Variants in KSR2 observed in about 807,000 individuals in gnomAD.
KSR2 encodes kinase suppressor of ras 2.
In KSR2, 25 loss-of-function variants were observed where a neutral mutation model predicts 107.8. That is an observed-to-expected ratio of 0.23 (90% CI 0.17 to 0.32). The LOEUF is 0.32. KSR2 is among the 10% of genes least tolerant of loss of function. The pLI, the probability that KSR2 is intolerant of heterozygous loss-of-function variation, is 1.00. For synonymous variants in KSR2, 480 were observed against 507.0 expected, an observed-to-expected ratio of 0.95 and a Z score of 0.71; for missense variants, 887 against 1,268.9, an observed-to-expected ratio of 0.70 and a Z score of 4.57.
intron 3 of KSR2, among the ~76,000 whole-genome samples, chr12:117,802,176 T>G (rs908738788): frequency 1.5e-4 from 23 of 152,266 alleles, no homozygotes; most frequent in African/African-American, 5.3e-4. Context: ...CTTTTCCAGC[T>G]TCTAGAGACC....
intron 5 of KSR2, among the ~76,000 whole-genome samples, chr12:117,587,700 A>G (rs1380812450): frequency 6.6e-6 from 1 of 152,152 alleles, no homozygotes; most frequent in Non-Finnish European, 1.5e-5. Context: ...CCGAGTTTAG[A>G]GTCTACAGGG....
intron 8 of KSR2, among the ~76,000 whole-genome samples, chr12:117,556,550 G>A (rs775214594): frequency 5.9e-5 from 9 of 152,152 alleles, no homozygotes; most frequent in Non-Finnish European, 1.2e-4. Context: ...ACAGTGCAAC[G>A]ATCATCGAAA....
chr12:117,700,186 T>A (rs1372197995), intron 4 of KSR2, among the ~76,000 whole-genome samples: 1 of 152,186 alleles, frequency 6.6e-6, no homozygotes, highest in Admixed American at 6.5e-5. Flanking sequence ...GTATATGCAG[T>A]CTGTCACTGA....
In KSR2 at chr12:117,772,557, CACAA is replaced by C. The variant is rs529564317; in HGVS notation, c.473-11037_473-11034del. 2.2e-3 allele frequency among the ~76,000 whole-genome samples: 330 copies of C among 146,824 alleles called. 1 individual carries two copies. The highest frequency in any genetic ancestry group is 7.8e-3 in the African/African-American group (306 of 39,376). On this transcript the variant is annotated intron_variant, in intron 3 of 19. Coordinates refer to ENST00000339824, the MANE Select transcript of KSR2 (RefSeq NM_173598.6). ...CATACACACCATTCCACCAAAGACGCACAAACACACACTCATACACACACACCAT... is the reference window on the plus strand; with the variant it reads ...CATACACACCATTCCACCAAAGACGCACACACACTCATACACACACACCAT...
At chr12:117,887,867 G>C (rs1427121660) in intron 1 of KSR2, among the ~76,000 whole-genome samples, 6 of 152,170 alleles carry the variant, frequency 3.9e-5, no homozygotes, top group Non-Finnish European at 7.3e-5. Flanking sequence ...CACTGGCCAG[G>C]AGTGGGCAGC....
At chr12:117,524,063 T>C (rs1026785970) in intron 14 of KSR2, among the ~76,000 whole-genome samples, 2 of 152,224 alleles carry the variant, frequency 1.3e-5, no homozygotes, top group East Asian at 3.8e-4. Context: ...TGACGTTTTA[T>C]TGGGACACAG....
chr12:117,909,365 G>T (rs1894948491), intron 1 of KSR2, among the ~76,000 whole-genome samples: 2 of 152,138 alleles, frequency 1.3e-5, no homozygotes, highest in Non-Finnish European at 2.9e-5. Context: ...AAGCATGGTG[G>T]TAAGGTTGGA....
At chr12:117,635,664 A>G (rs1410351923) in intron 5 of KSR2, among the ~76,000 whole-genome samples, 1 of 152,250 alleles carries the variant, frequency 6.6e-6, no homozygotes, top group Non-Finnish European at 1.5e-5. Context: ...GAATACTTTC[A>G]GATTTACAGA....
At chr12:117,688,693 T>G (rs1035324807) in intron 4 of KSR2, among the ~76,000 whole-genome samples, 4 of 151,928 alleles carry the variant, frequency 2.6e-5, no homozygotes, top group Non-Finnish European at 4.4e-5. Flanking sequence ...CTCGATCAGG[T>G]TTCGAGTGTG....
At chr12:117,822,595 T>A (rs968106673) in intron 3 of KSR2, among the ~76,000 whole-genome samples, 3 of 152,342 alleles carry the variant, frequency 2.0e-5, no homozygotes, top group South Asian at 2.1e-4. Flanking sequence ...TTACTGATAA[T>A]ATGAAGTCAG....
At chr12:117,861,235 G>A (rs1037065402) in intron 1 of KSR2, among the ~76,000 whole-genome samples, 17 of 152,116 alleles carry the variant, frequency 1.1e-4, no homozygotes, top group African/African-American at 3.4e-4. Flanking sequence ...ATCAAATCAC[G>A]AAGCAGGCTC....
intron 7 of KSR2, among the ~76,000 whole-genome samples, chr12:117,572,684 C>T (rs1330000506): frequency 6.7e-6 from 1 of 148,740 alleles, no homozygotes; most frequent in Non-Finnish European, 1.5e-5. Flanking sequence ...CCCTCTCTTC[C>T]ACACTCCAGC....
chr12:117,930,858 G>A (rs966950541), intron 1 of KSR2, among the ~76,000 whole-genome samples: 8 of 152,062 alleles, frequency 5.3e-5, no homozygotes, highest in African/African-American at 1.9e-4. Context: ...AGGTTGCAGT[G>A]AGCCAAGATT....
chr12:117,478,566 C>G (rs1242023582), intron 16 of KSR2, among the ~76,000 whole-genome samples: 1 of 151,964 alleles, frequency 6.6e-6, no homozygotes, highest in African/African-American at 2.4e-5. Context: ...TATGAAGTAG[C>G]TGGGATTACA....
chr12:117,891,495 TGG>T (rs1353744607), intron 1 of KSR2, among the ~76,000 whole-genome samples: 2 of 151,928 alleles, frequency 1.3e-5, no homozygotes, highest in Non-Finnish European at 2.9e-5. Context: ...CCCAGGACTT[TGG>T]GAGGCAAAGG....
At chr12:117,681,787 G>A (rs543784123) in intron 4 of KSR2, among the ~76,000 whole-genome samples, 1 of 152,082 alleles carries the variant, frequency 6.6e-6, no homozygotes, top group South Asian at 2.1e-4. Flanking sequence ...TGCTAAATGG[G>A]GGAGAAATAG....
intron 5 of KSR2, among the ~76,000 whole-genome samples, chr12:117,614,849 T>G (rs1881788351): frequency 1.3e-5 from 2 of 152,356 alleles, no homozygotes; most frequent in Admixed American, 1.3e-4. Flanking sequence ...GAGTGTTATC[T>G]CTCTATTAAT....
intron 4 of KSR2, among the ~76,000 whole-genome samples, chr12:117,697,698 C>T (rs901404952): frequency 5.3e-5 from 8 of 150,576 alleles, no homozygotes; most frequent in African/African-American, 2.0e-4. Context: ...CGAGATCGCG[C>T]CACTGCACCC....
At chr12:117,497,831 C>T (rs1380310312) in intron 14 of KSR2, among the ~76,000 whole-genome samples, 1 of 152,182 alleles carries the variant, frequency 6.6e-6, no homozygotes, top group African/African-American at 2.4e-5. Context: ...TTGGAGACTC[C>T]CTAGCTGTTA....
Sources: gnomAD v4.1 joint callset for allele counts (sites outside exome capture counted in the v4.1 genomes callset) on GRCh38, gnomAD v4.1.1 for gene constraint, MANE v1.5 for transcripts, NCBI Gene and HGNC (gene_info 2026-07-23, HGNC 2026-07-21) for gene names.